Variants in TLE1 observed in about 807,000 individuals in gnomAD.
TLE1 encodes the protein transducin-like enhancer protein 1.
Under a neutral mutation model 89.8 loss-of-function variants are expected in TLE1, and 21 were observed. The ratio of observed to expected loss-of-function variants is 0.23; its 90% CI spans 0.17 to 0.34. The LOEUF (loss-of-function observed/expected upper bound fraction) is 0.34. TLE1 is among the 10% of genes least tolerant of loss of function. The pLI, the probability that TLE1 is intolerant of heterozygous loss-of-function variation, is 1.00. For missense variants in TLE1, 795 were observed against 1,031.2 expected, an observed-to-expected ratio of 0.77 and a Z score of 3.14; for synonymous variants, 447 against 407.6, an observed-to-expected ratio of 1.10 and a Z score of -1.16.
chr9:81,614,461 GCACCTTCTCTGGCCTTT>G (rs1197234127), intron 11 of TLE1, among the ~76,000 whole-genome samples: 1 of 152,136 alleles, frequency 6.6e-6, no homozygotes, highest in Non-Finnish European at 1.5e-5. Flanking sequence ...GGGTTACAGG[GCACCTTCTCTGGCCTTT>G]CAACCTTTCA....
intron 6 of TLE1, among the ~76,000 whole-genome samples, chr9:81,637,691 TACTAAGTA>T (rs1273191005): frequency 6.7e-6 from 1 of 148,342 alleles, no homozygotes; most frequent in Non-Finnish European, 1.5e-5. Context: ...TTGAAAGGAG[TACTAAGTA>T]ACAATCAAAT....
chr9:81,639,469 C>A (rs530475462), intron 6 of TLE1, among the ~76,000 whole-genome samples: 2 of 151,656 alleles, frequency 1.3e-5, no homozygotes, highest in African/African-American at 4.9e-5. Context: ...TCTATCTAGG[C>A]ATTAGTTTAC....
chr9:81,687,078 C>T (rs191395588), intron 2 of TLE1, among the ~76,000 whole-genome samples: 46 of 152,248 alleles, frequency 3.0e-4, no homozygotes, highest in Middle Eastern at 3.4e-3. Context: ...TCATGCAACT[C>T]CTAAAGACAT....
chr9:81,633,704 T>C (rs11139350), intron 7 of TLE1: 110,674 of 478,342 alleles, frequency 0.23, 13,829 homozygotes, highest in South Asian at 0.35. Flanking sequence ...TAGTAACAGA[T>C]GCAATTATCA....
At chr9:81,613,993 C>T (rs1362743227) in intron 11 of TLE1, among the ~76,000 whole-genome samples, 3 of 151,084 alleles carry the variant, frequency 2.0e-5, no homozygotes, top group African/African-American at 4.9e-5. Context: ...CTACAAGCTC[C>T]GCCTCCCGGG....
chr9:81,655,793 C>T (rs926517333), intron 4 of TLE1, among the ~76,000 whole-genome samples: 1 of 148,884 alleles, frequency 6.7e-6, no homozygotes, highest in East Asian at 2.0e-4. Context: ...GTCGAGCCTG[C>T]GGTGAGCTGA....
At chr9:81,653,887 G>T in intron 5 of TLE1, 87 bp downstream of exon 5, 1 of 1,236,128 alleles carries the variant, frequency 8.1e-7, no homozygotes, top group East Asian at 2.4e-5. Flanking sequence ...CTTGTTCCTT[G>T]TGATAAAATT....
rs541913066 is a variant in TLE1, at chr9:81,673,820, A to G, written c.234+11856T>C. Among the ~76,000 whole-genome samples the G allele has an allele frequency of 1.4e-3, 210 of 152,204 alleles. 3 individuals are homozygous for G. The highest frequency in any genetic ancestry group is 5.0e-3 in the African/African-American group (208 of 41,510). On this transcript the variant is annotated intron_variant, in intron 4 of 19. Coordinates refer to ENST00000376499, the MANE Select transcript of TLE1 (RefSeq NM_005077.5). ...AAGCTTACTGTAATAATAAACCCAA[A>G]AAGCCGACTTCTGAAAGCCAAAGAG... is the stretch of plus-strand genomic sequence containing the variant.
chr9:81,601,063 A>G (rs1446336114), intron 14 of TLE1, among the ~76,000 whole-genome samples: 2 of 152,170 alleles, frequency 1.3e-5, no homozygotes, highest in African/African-American at 2.4e-5. Context: ...CTCCATATCC[A>G]TATCTATAGT....
chr9:81,629,124 A>C (rs1588034907), intron 8 of TLE1, among the ~76,000 whole-genome samples: 1 of 152,314 alleles, frequency 6.6e-6, no homozygotes, highest in South Asian at 2.1e-4. Flanking sequence ...GCAGCACCTC[A>C]AACAGTACTC....
At chr9:81,682,898 G>T (rs1035127690) in intron 4 of TLE1, among the ~76,000 whole-genome samples, 37 of 152,242 alleles carry the variant, frequency 2.4e-4, no homozygotes, top group African/African-American at 8.7e-4. Context: ...TACCATTCCT[G>T]TTTCATTGCC....
chr9:81,613,039 G>A (rs979138405), intron 12 of TLE1, among the ~76,000 whole-genome samples: 2 of 152,158 alleles, frequency 1.3e-5, no homozygotes, highest in African/African-American at 2.4e-5. Context: ...GCCTGGGGGG[G>A]ACAAGAGCAA....
chr9:81,651,702 T>C (rs1829558780), intron 6 of TLE1, among the ~76,000 whole-genome samples: 1 of 152,216 alleles, frequency 6.6e-6, no homozygotes, highest in Non-Finnish European at 1.5e-5. Flanking sequence ...CTCACTGTGA[T>C]CTAACATTGT....
chr9:81,631,196 T>C (rs1461805073), intron 8 of TLE1, among the ~76,000 whole-genome samples: 4 of 152,206 alleles, frequency 2.6e-5, no homozygotes, highest in Non-Finnish European at 5.9e-5. Flanking sequence ...CAAGAACTGC[T>C]TCATACTTCT....
intron 8 of TLE1, among the ~76,000 whole-genome samples, chr9:81,631,877 CG>C (rs1386750067): frequency 1.5e-4 from 23 of 152,038 alleles, no homozygotes; most frequent in Admixed American, 1.4e-3. Flanking sequence ...CTGAGGCAGG[CG>C]GATCACCTGA....
At chr9:81,602,367 C>T (rs1431431619) in intron 14 of TLE1, among the ~76,000 whole-genome samples, 1 of 152,102 alleles carries the variant, frequency 6.6e-6, no homozygotes, top group East Asian at 1.9e-4. Flanking sequence ...TTTCTGATGT[C>T]GGATTTTTTT....
intron 6 of TLE1, among the ~76,000 whole-genome samples, chr9:81,650,822 C>T (rs746188354): frequency 2.6e-5 from 4 of 152,108 alleles, no homozygotes; most frequent in African/African-American, 4.8e-5. Context: ...AGCTGAAAAT[C>T]CACTGAAGCT....
At chr9:81,608,821 C>T (rs1351953780) in intron 14 of TLE1, among the ~76,000 whole-genome samples, 1 of 151,928 alleles carries the variant, frequency 6.6e-6, no homozygotes, top group Admixed American at 6.6e-5. Context: ...CCCATAATCC[C>T]AGCTACTCGA....
intron 6 of TLE1, among the ~76,000 whole-genome samples, chr9:81,637,400 T>C (rs1187564821): frequency 6.6e-6 from 1 of 152,152 alleles, no homozygotes; most frequent in Admixed American, 6.6e-5. Context: ...TCTGATATCT[T>C]ACTGTGAAGA....
Sources: gnomAD v4.1 joint callset for allele counts (sites outside exome capture counted in the v4.1 genomes callset) on GRCh38, gnomAD v4.1.1 for gene constraint, MANE v1.5 for transcripts, NCBI Gene and HGNC (gene_info 2026-07-23, HGNC 2026-07-21) for gene names.